CPA6: variants seen among roughly 807,000 people sequenced by gnomAD.
CPA6 encodes carboxypeptidase A6, also known as carboxypeptidase B.
CPA6 carries 58 observed loss-of-function variants against 63.3 expected under a neutral mutation model. The ratio of observed to expected loss-of-function variants is 0.92; its 90% CI spans 0.74 to 1.14. The LOEUF (loss-of-function observed/expected upper bound fraction) is 1.14. CPA6 is among the 50% of genes most tolerant of loss of function. CPA6 has a pLI of 0.00. For synonymous variants in CPA6, 185 were observed against 179.0 expected (o/e 1.03, Z -0.27); for missense variants, 565 against 526.6 (o/e 1.07, Z -0.71).
chr8:67,545,754 G>C (rs1178407303), intron 2 of CPA6, among the ~76,000 whole-genome samples: 1 of 149,410 alleles, frequency 6.7e-6, no homozygotes, highest in African/African-American at 2.6e-5. Flanking sequence ...GTAGAGACAG[G>C]GTTTCTCCAT....
At chr8:67,584,152 C>T (rs185652810) in intron 2 of CPA6, among the ~76,000 whole-genome samples, 142 of 152,120 alleles carry the variant, frequency 9.3e-4, no homozygotes, top group African/African-American at 3.1e-3. Flanking sequence ...TGCCAGACTC[C>T]GTCTCAAAAC....
intron 8 of CPA6, among the ~76,000 whole-genome samples, chr8:67,460,627 TTCTC>T (rs1404808031): frequency 2.0e-5 from 3 of 152,330 alleles, no homozygotes; most frequent in South Asian, 4.1e-4. Flanking sequence ...AGTGGAATCT[TTCTC>T]TCAGAATTAT....
rs948192742 is a variant in CPA6 at position 67,468,676 on chromosome 8, C to A, written c.838+15092G>T. On this transcript the variant is annotated intron_variant, in intron 8 of 10. Coordinates refer to ENST00000297770, the MANE Select transcript of CPA6 (RefSeq NM_020361.5). ...ATGTGCCCTGTAAGTGGGCAATAACCTTTTATGACTTTCTCTGTGACATAA... is the reference window on the plus strand; with the variant it reads ...ATGTGCCCTGTAAGTGGGCAATAACATTTTATGACTTTCTCTGTGACATAA... Among the ~76,000 whole-genome samples, 5 of 151,602 alleles carry A rather than the reference C, an allele frequency of 3.3e-5. No individual in the cohort carries two copies. The East Asian group carries it at 9.7e-4, about 29-fold the overall frequency.
chr8:67,746,107 C>T lies in CPA6; in HGVS notation c.23G>A (p.Arg8Lys). The change falls in exon 1 of 11, where the codon AGG becomes AAG. Residue 8 changes from arginine to lysine, a missense_variant. Transcript: ENST00000297770. Reference protein sequence around the residue: MKCLGKRRGQAAAFLPLC... With the variant: MKCLGKRKGQAAAFLPLC... Reference sequence around the variant, plus strand: ...AGGCAGGAAAGCAGCTGCCTGGCCCCTGCGCTTCCCGAGACACTTCATAGT... The same window carrying T: ...AGGCAGGAAAGCAGCTGCCTGGCCCTTGCGCTTCCCGAGACACTTCATAGT... The T allele has an allele frequency of 6.2e-7, 1 of 1,613,668 alleles. No individual in the cohort carries two copies. Among genetic ancestry groups the T allele is most frequent in the East Asian group, 2.2e-5 (1 of 44,864 alleles).
chr8:67,487,056 T>A (rs1165705842), intron 6 of CPA6, among the ~76,000 whole-genome samples: 1 of 151,226 alleles, frequency 6.6e-6, no homozygotes, highest in Non-Finnish European at 1.5e-5. Context: ...TGAATATATA[T>A]GTATATTTTT....
chr8:67,423,430 G>A (rs577513690), intron 10 of CPA6, among the ~76,000 whole-genome samples: 2 of 152,258 alleles, frequency 1.3e-5, no homozygotes, highest in African/African-American at 4.8e-5. Context: ...TTTCCACTCC[G>A]GCTTAACCTA....
chr8:67,492,475 GT>G (rs140303912), intron 6 of CPA6, among the ~76,000 whole-genome samples: 107 of 148,280 alleles, frequency 7.2e-4, no homozygotes, highest in African/African-American at 1.8e-3. Context: ...CCTTTATAAG[GT>G]TTTTTTTTTA....
At chr8:67,475,851 C>CT (rs1436695894) in intron 8 of CPA6, among the ~76,000 whole-genome samples, 7 of 72,838 alleles carry the variant, frequency 9.6e-5, no homozygotes, top group African/African-American at 4.2e-4. Flanking sequence ...TTCTTTCTTT[C>CT]TTTCTTTCTT....
intron 1 of CPA6, among the ~76,000 whole-genome samples, chr8:67,681,267 T>A (rs1816591223): frequency 7.3e-6 from 1 of 136,502 alleles, no homozygotes; most frequent in Middle Eastern, 3.7e-3. Flanking sequence ...CGGACTGCAG[T>A]GGCGCAATCT....
At chr8:67,743,555 T>A (rs1186665174) in intron 1 of CPA6, among the ~76,000 whole-genome samples, 1 of 152,090 alleles carries the variant, frequency 6.6e-6, no homozygotes, top group Admixed American at 6.6e-5. Flanking sequence ...AGCAAACAGG[T>A]CTTACTCTTT....
intron 2 of CPA6, among the ~76,000 whole-genome samples, chr8:67,596,620 A>G (rs1016162066): frequency 2.0e-5 from 3 of 152,140 alleles, no homozygotes; most frequent in African/African-American, 7.2e-5. Context: ...TCACAAAATC[A>G]AGGATAGTAC....
intron 1 of CPA6, among the ~76,000 whole-genome samples, chr8:67,678,766 T>C (rs1763175597): frequency 6.6e-6 from 1 of 152,200 alleles, no homozygotes; most frequent in Admixed American, 6.5e-5. Context: ...CCAACAGAAA[T>C]ACATTCATAT....
At chr8:67,710,811 T>G (rs966637835) in intron 1 of CPA6, among the ~76,000 whole-genome samples, 1 of 152,164 alleles carries the variant, frequency 6.6e-6, no homozygotes, top group Non-Finnish European at 1.5e-5. Context: ...CTTTAGGGGC[T>G]TAGGTCTCTC....
intron 2 of CPA6, among the ~76,000 whole-genome samples, chr8:67,571,061 C>T (rs1394305552): frequency 1.3e-5 from 2 of 152,140 alleles, no homozygotes; most frequent in African/African-American, 4.8e-5. Flanking sequence ...TTGCTTGTAT[C>T]AGACAAAATA....
intron 8 of CPA6, among the ~76,000 whole-genome samples, chr8:67,481,925 C>T (rs1018429416): frequency 2.6e-5 from 4 of 152,212 alleles, no homozygotes; most frequent in Admixed American, 1.3e-4. Flanking sequence ...CTGCACTTCC[C>T]CATCACTTCC....
chr8:67,567,115 G>A (rs1355359400), intron 2 of CPA6, among the ~76,000 whole-genome samples: 1 of 152,158 alleles, frequency 6.6e-6, no homozygotes, highest in East Asian at 1.9e-4. Flanking sequence ...TAATGGTAGA[G>A]GAGAGCCTCT....
chr8:67,655,179 G>C (rs1815955609), intron 1 of CPA6, among the ~76,000 whole-genome samples: 3 of 152,086 alleles, frequency 2.0e-5, no homozygotes, highest in Admixed American at 2.0e-4. Context: ...CTGAATCCTT[G>C]ATACAATTCT....
intron 1 of CPA6, among the ~76,000 whole-genome samples, chr8:67,673,801 T>A (rs1816408558): frequency 6.6e-6 from 1 of 152,198 alleles, no homozygotes; most frequent in South Asian, 2.1e-4. Context: ...AAATGCCTGC[T>A]GTGCGCCAGA....
intron 1 of CPA6, among the ~76,000 whole-genome samples, chr8:67,713,576 T>A (rs745453220): frequency 9.2e-5 from 14 of 152,152 alleles, no homozygotes; most frequent in Non-Finnish European, 1.3e-4. Context: ...TAGTAGAACT[T>A]GGAATACACA....
Sources: gnomAD v4.1 joint callset for allele counts (sites outside exome capture counted in the v4.1 genomes callset) on GRCh38, gnomAD v4.1.1 for gene constraint, MANE v1.5 for transcripts, NCBI Gene and HGNC (gene_info 2026-07-23, HGNC 2026-07-21) for gene names.